METTL15: variants seen among roughly 807,000 people sequenced by gnomAD.
METTL15 encodes the protein 12S rRNA N(4)-cytidine methyltransferase METTL15.
METTL15 carries 34 observed loss-of-function variants against 38.3 expected under a neutral mutation model. The observed-to-expected ratio is 0.89, with a 90% confidence interval of 0.68 to 1.18. The LOEUF (loss-of-function observed/expected upper bound fraction) is 1.18. METTL15 is among the 50% of genes most tolerant of loss of function. The pLI, the probability that METTL15 is intolerant of heterozygous loss-of-function variation, is 0.00. For missense variants in METTL15, 438 were observed against 498.4 expected (o/e 0.88, Z 1.15); for synonymous variants, 162 against 170.9 (o/e 0.95, Z 0.41).
chr11:28,200,535 C>T (rs1852072485), intron 3 of METTL15, among the ~76,000 whole-genome samples: 1 of 152,188 alleles, frequency 6.6e-6, no homozygotes, highest in African/African-American at 2.4e-5. Context: ...GTGCTTTACG[C>T]TAGTGGAAGC....
chr11:28,363,568 C>T (rs7126520), intron 5 of METTL15, among the ~76,000 whole-genome samples: 151,356 of 152,360 alleles, frequency 0.99, 75,189 homozygotes, highest in Middle Eastern at 1. Flanking sequence ...TTAAGTACTT[C>T]GTAGATTGTG....
At chr11:28,265,435 G>A (rs1460483751) in intron 4 of METTL15, among the ~76,000 whole-genome samples, 1 of 151,900 alleles carries the variant, frequency 6.6e-6, no homozygotes, top group Non-Finnish European at 1.5e-5. Flanking sequence ...GTGAGAAAAC[G>A]AAATTGTCAG....
chr11:28,277,565 G>C (rs1447856823), intron 4 of METTL15, among the ~76,000 whole-genome samples: 1 of 152,042 alleles, frequency 6.6e-6, no homozygotes, highest in African/African-American at 2.4e-5. Context: ...GGGCACGGTA[G>C]CACACACCTG....
intron 3 of METTL15, chr11:28,163,495 A>T (rs1850543744): frequency 2.5e-6 from 1 of 397,756 alleles, no homozygotes; most frequent in African/African-American, 2.1e-5. Flanking sequence ...CTAATTTTGC[A>T]TAGATCTTTC....
chr11:28,358,889 G>A (rs1850112064), intron 4 of METTL15, among the ~76,000 whole-genome samples: 1 of 152,138 alleles, frequency 6.6e-6, no homozygotes, highest in African/African-American at 2.4e-5. Context: ...GAAAATTTTA[G>A]TTTTAAATTT....
At chr11:28,376,557 G>T (rs1453142385) in intron 5 of METTL15, among the ~76,000 whole-genome samples, 2 of 152,050 alleles carry the variant, frequency 1.3e-5, no homozygotes, top group Non-Finnish European at 2.9e-5. Context: ...GCCTATGTGT[G>T]TCTCTGCACG....
intron 6 of METTL15, among the ~76,000 whole-genome samples, chr11:28,318,694 TCTC>T (rs1437416743): frequency 3.3e-5 from 5 of 151,984 alleles, no homozygotes; most frequent in African/African-American, 9.7e-5. Flanking sequence ...ACAAGCTTGT[TCTC>T]CTCATCTTGC....
chr11:28,390,818 G>A (rs1369247167), intron 5 of METTL15, among the ~76,000 whole-genome samples: 3 of 152,036 alleles, frequency 2.0e-5, no homozygotes, highest in South Asian at 2.1e-4. Context: ...ATTACCTTGG[G>A]CAGTATAGCC....
At chr11:28,522,068 T>C (rs1361549557) in intron 6 of METTL15, among the ~76,000 whole-genome samples, 1 of 152,204 alleles carries the variant, frequency 6.6e-6, no homozygotes, top group Admixed American at 6.5e-5. Flanking sequence ...TCATTAAAAA[T>C]TTGATCAGAA....
chr11:28,232,947 A>G (rs541420132), intron 4 of METTL15, among the ~76,000 whole-genome samples: 166 of 152,194 alleles, frequency 1.1e-3, no homozygotes, highest in Middle Eastern at 3.4e-3. Flanking sequence ...CATACACATC[A>G]TGAAGAAAGA....
chr11:28,467,078 C>T (rs1374016643), intron 6 of METTL15, among the ~76,000 whole-genome samples: 1 of 152,142 alleles, frequency 6.6e-6, no homozygotes, highest in African/African-American at 2.4e-5. Context: ...CCCTACATAT[C>T]GTTTTAAATG....
intron 6 of METTL15, among the ~76,000 whole-genome samples, chr11:28,455,842 G>T (rs1851163706): frequency 6.6e-6 from 1 of 152,062 alleles, no homozygotes; most frequent in Admixed American, 6.6e-5. Flanking sequence ...GAGTAGCTGG[G>T]ACTACAGGTG....
intron 4 of METTL15, among the ~76,000 whole-genome samples, chr11:28,233,714 C>T (rs1853794959): frequency 6.6e-6 from 1 of 152,074 alleles, no homozygotes; most frequent in Non-Finnish European, 1.5e-5. Flanking sequence ...AGTATAAATA[C>T]ATGAGTGGTG....
intron 5 of METTL15, among the ~76,000 whole-genome samples, chr11:28,418,263 C>T (rs772914261): frequency 6.6e-6 from 1 of 152,184 alleles, no homozygotes; most frequent in East Asian, 1.9e-4. Flanking sequence ...AGCAAATTGA[C>T]TCCAACTGTT....
intron 3 of METTL15, among the ~76,000 whole-genome samples, chr11:28,119,443 T>C (rs559048787): frequency 6.6e-6 from 1 of 152,308 alleles, no homozygotes; most frequent in East Asian, 1.9e-4. Flanking sequence ...AAGACTTTTA[T>C]ATAATTTCAG....
intron 5 of METTL15, among the ~76,000 whole-genome samples, chr11:28,369,648 A>G (rs1850223404): frequency 6.6e-6 from 1 of 152,198 alleles, no homozygotes; most frequent in Non-Finnish European, 1.5e-5. Context: ...AGGTGCTGAA[A>G]GAAAACAACC....
At chr11:28,172,210 T>A (rs1850885765) in intron 3 of METTL15, among the ~76,000 whole-genome samples, 1 of 152,170 alleles carries the variant, frequency 6.6e-6, no homozygotes, top group Admixed American at 6.5e-5. Context: ...CTTCACAAAT[T>A]TTAGCACAAT....
At chr11:28,214,804 C>G (rs540568939) in intron 4 of METTL15, among the ~76,000 whole-genome samples, 1 of 152,014 alleles carries the variant, frequency 6.6e-6, no homozygotes, top group African/African-American at 2.4e-5. Flanking sequence ...GTTAAAAACT[C>G]CAAATACTTA....
rs143804354 is a variant in METTL15, at chr11:28,281,240, G to A, written c.408-8966G>A. 2.9e-3 allele frequency among the ~76,000 whole-genome samples: 445 copies of A among 152,142 alleles called. 10 individuals carry two copies. The South Asian group carries it at 0.04, about 14-fold the overall frequency. ...GTACTTGTGTAATAATCTATTTTTT[G>A]TTGACCTTTCTACTAGTTTAATCCC... On this transcript the variant is annotated intron_variant, in intron 4 of 6. Transcript: ENST00000407364.
Sources: gnomAD v4.1 joint callset for allele counts (sites outside exome capture counted in the v4.1 genomes callset) on GRCh38, gnomAD v4.1.1 for gene constraint, MANE v1.5 for transcripts, NCBI Gene and HGNC (gene_info 2026-07-23, HGNC 2026-07-21) for gene names.